FOCAD: variants seen among roughly 807,000 people sequenced by gnomAD.
FOCAD encodes the protein KIAA1797.
In FOCAD, 198 loss-of-function variants were observed where a neutral mutation model predicts 225.6. The ratio of observed to expected loss-of-function variants is 0.88; its 90% confidence interval spans 0.78 to 0.99. FOCAD has a LOEUF of 0.99. FOCAD is among the 50% of genes least tolerant of loss of function. The pLI is 0.00. For synonymous variants in FOCAD, 897 were observed against 755.0 expected, an observed-to-expected ratio of 1.19 and a Z score of -3.08; for missense variants, 2,713 against 2,123.6, an observed-to-expected ratio of 1.28 and a Z score of -5.46.
chr9:20,811,355 T>C (rs1411478233), intron 11 of FOCAD, among the ~76,000 whole-genome samples: 3 of 152,090 alleles, frequency 2.0e-5, no homozygotes, highest in Non-Finnish European at 4.4e-5. Flanking sequence ...ACAAAGTGCT[T>C]AACAGAATGT....
At chr9:20,759,994 G>A (rs769345476) in intron 6 of FOCAD, among the ~76,000 whole-genome samples, 2 of 152,198 alleles carry the variant, frequency 1.3e-5, no homozygotes, top group African/African-American at 4.8e-5. Flanking sequence ...GGCTCTCAAA[G>A]CTACTCCCCT....
chr9:20,849,383 T>C (rs1053265990), intron 15 of FOCAD, among the ~76,000 whole-genome samples: 1 of 149,214 alleles, frequency 6.7e-6, no homozygotes, highest in Non-Finnish European at 1.5e-5. Flanking sequence ...CTTTTTCTGG[T>C]TTTTTTTTTC....
At chr9:20,783,000 C>T (rs1051110345) in intron 10 of FOCAD, among the ~76,000 whole-genome samples, 7 of 152,070 alleles carry the variant, frequency 4.6e-5, no homozygotes, top group African/African-American at 1.2e-4. Context: ...GTACAAAATC[C>T]GATCAAAAAA....
chr9:20,929,528 A>G lies in FOCAD; in HGVS notation c.3249A>G (p.Gln1083=). The stretch of plus-strand genomic sequence containing the variant: ...GGAAACCAAGTGCTGATGAGTCTCA[A>G]GCCGTGCAAATCCACATGGGCCTTG... ...LPGKPSADES[Q]AVQIHMGLAL... The change falls in exon 27 of 44, where the codon CAA becomes CAG. Residue 1083 remains glutamine (Q), a synonymous_variant. Transcript: ENST00000338382. 6.2e-7 allele frequency: 1 copy of G among 1,614,178 alleles called. No homozygotes were observed. Among genetic ancestry groups the G allele is most frequent in the Non-Finnish European group, 8.5e-7 (1 of 1,180,016 alleles).
At chr9:20,830,212 C>G (rs560857110) in intron 15 of FOCAD, among the ~76,000 whole-genome samples, 5 of 152,016 alleles carry the variant, frequency 3.3e-5, no homozygotes, top group Non-Finnish European at 5.9e-5. Flanking sequence ...GACTTTTTTT[C>G]TGTCCTTCTC....
At chr9:20,958,186 C>T (rs1373369072) in intron 35 of FOCAD, among the ~76,000 whole-genome samples, 1 of 151,948 alleles carries the variant, frequency 6.6e-6, no homozygotes, top group African/African-American at 2.4e-5. Flanking sequence ...TGTAACAGTA[C>T]TTATAAAACA....
chr9:20,939,143 C>G (rs1278443726), intron 28 of FOCAD, among the ~76,000 whole-genome samples: 1 of 18,482 alleles, frequency 5.4e-5, no homozygotes, highest in East Asian at 1.1e-3. Flanking sequence ...GAGCGAGACT[C>G]TCTTCTCAAA....
chr9:20,913,055 C>G (rs1195156854), intron 23 of FOCAD, 101 bp downstream of exon 23: 21 of 856,662 alleles, frequency 2.5e-5, no homozygotes, highest in Non-Finnish European at 3.9e-5. Flanking sequence ...GGTTTAACCT[C>G]TATATGTGAG....
chr9:20,696,967 GTGA>G (rs1180323605), intron 1 of FOCAD, among the ~76,000 whole-genome samples: 3 of 152,174 alleles, frequency 2.0e-5, no homozygotes, highest in Non-Finnish European at 2.9e-5. Context: ...CTTCCACCAT[GTGA>G]TGATGTGGCA....
At chr9:20,949,582 G>GGGGGC in intron 32 of FOCAD, 22 bp from the exon 33 acceptor site, 1 of 936,510 alleles carries the variant, frequency 1.1e-6, no homozygotes, top group Non-Finnish European at 1.5e-6. Flanking sequence ...GGTGGGATGG[G>GGGGGC]TATTTCTTCT....
In FOCAD at chr9:20,671,470, T is replaced by C. The variant is rs569098005; in HGVS notation, c.-78+12644T>C. ...TTTCTCTAAGTGGAATGCAGGAGGA[T>C]TTGAGCAGCCAGATTCAAATGTGCA... On this transcript the variant is annotated intron_variant, in intron 2 of 45. Coordinates refer to the FOCAD transcript ENST00000380249. Among the ~76,000 whole-genome samples the C allele has an allele frequency of 5.4e-5, 8 of 147,316 alleles. No homozygotes were observed. The East Asian group carries it at 1.3e-3, about 25-fold the overall frequency.
intron 11 of FOCAD, among the ~76,000 whole-genome samples, chr9:20,799,009 A>G (rs1821468817): frequency 1.3e-5 from 2 of 152,142 alleles, no homozygotes; most frequent in African/African-American, 4.8e-5. Flanking sequence ...CCCTGTACAC[A>G]CTGCTTTGAA....
intron 2 of FOCAD, among the ~76,000 whole-genome samples, chr9:20,716,500 A>G (rs898618663): frequency 1.3e-5 from 2 of 152,162 alleles, no homozygotes; most frequent in Non-Finnish European, 2.9e-5. Context: ...AGTGAAAAGT[A>G]TATTAGATAA....
intron 35 of FOCAD, among the ~76,000 whole-genome samples, chr9:20,964,342 C>G (rs1202761794): frequency 6.6e-6 from 1 of 151,930 alleles, no homozygotes; most frequent in Non-Finnish European, 1.5e-5. Context: ...TGCAGTGAAC[C>G]AAGATAGTGC....
chr9:20,990,421 C>T, intron 42 of FOCAD, 47 bp downstream of exon 42: 1 of 1,599,398 alleles, frequency 6.3e-7, no homozygotes. Context: ...GCCATTGTCT[C>T]TTCAGCAGTT....
At chr9:20,848,416 G>A (rs370612933) in intron 15 of FOCAD, among the ~76,000 whole-genome samples, 2 of 151,986 alleles carry the variant, frequency 1.3e-5, no homozygotes, top group African/African-American at 4.8e-5. Context: ...TTTATGGCCA[G>A]TTTTTACACA....
chr9:20,725,958 T>C (rs1826163737), intron 4 of FOCAD, among the ~76,000 whole-genome samples: 1 of 152,136 alleles, frequency 6.6e-6, no homozygotes. Context: ...AAATGTTCTT[T>C]TCATCAGTAA....
chr9:20,918,176 T>C (rs1259756635), intron 24 of FOCAD, among the ~76,000 whole-genome samples: 1 of 152,240 alleles, frequency 6.6e-6, no homozygotes. Context: ...GTAGTCTACA[T>C]ATATCCTATT....
intron 10 of FOCAD, among the ~76,000 whole-genome samples, chr9:20,785,344 T>C (rs1322768089): frequency 6.6e-6 from 1 of 152,152 alleles, no homozygotes. Context: ...TTTAGAACAT[T>C]TTTATTTTTA....
Sources: allele counts gnomAD v4.1 joint callset (sites outside exome capture counted in the v4.1 genomes callset), GRCh38; gene constraint gnomAD v4.1.1; transcripts MANE v1.5; gene names NCBI Gene and HGNC (gene_info 2026-07-23, HGNC 2026-07-21).